The following FRAS1 variants were observed in gnomAD, a reference collection of about 807,000 sequenced individuals.
FRAS1 encodes Fraser extracellular matrix complex subunit 1, also known as extracellular matrix organizing protein FRAS1.
In FRAS1, 290 loss-of-function variants were observed where a neutral mutation model predicts 435.2. The observed-to-expected ratio is 0.67, with a 90% CI of 0.61 to 0.73. The LOEUF is 0.73. Ranked by LOEUF, FRAS1 falls within the 30% of genes least tolerant of loss-of-function variation. FRAS1 has a pLI of 0.00. For synonymous variants in FRAS1, 1,800 were observed against 1,851.0 expected (o/e 0.97, Z 0.71); for missense variants, 4,860 against 5,001.5 (o/e 0.97, Z 0.85).
chr4:78,161,864 A>ACTT, intron 2 of FRAS1, among the ~76,000 whole-genome samples: 1 of 151,662 alleles, frequency 6.6e-6, no homozygotes, highest in Non-Finnish European at 1.5e-5. Flanking sequence ...AAATGAGGAG[A>ACTT]CTTCTCTTCG....
rs773432572 is a variant in FRAS1, at chr4:78,511,485, A to G, written c.9992A>G (p.Lys3331Arg). The G allele has an allele frequency of 1.9e-5, 30 of 1,613,604 alleles. No individual in the cohort carries two copies. In the East Asian group the frequency reaches 6.7e-4, roughly 36 times the overall value. ...GCAACCTTGAAATACCTGGATGTCA[A>G]ACATAAGGAGCATCCGAACAGGTCA... ...FIATLKYLDV[K>R]HKEHPNRIHI... Residue 3331 changes from lysine to arginine, a missense_variant, in exon 64 of 74, where the codon AAA (lysine) becomes AGA (arginine). By Grantham distance (26) the Lys-to-Arg change is conservative (BLOSUM62 2). Coordinates refer to ENST00000512123, the MANE Select transcript of FRAS1 (RefSeq NM_025074.7).
intron 22 of FRAS1, among the ~76,000 whole-genome samples, chr4:78,367,699 A>G (rs1043493866): frequency 1.1e-4 from 17 of 151,930 alleles, no homozygotes; most frequent in African/African-American, 3.1e-4. Flanking sequence ...GTATTTGTAC[A>G]GTTGGTTTTA....
intron 35 of FRAS1, among the ~76,000 whole-genome samples, chr4:78,426,355 C>T (rs531625567): frequency 1.3e-5 from 2 of 152,250 alleles, no homozygotes; most frequent in East Asian, 3.9e-4. Flanking sequence ...ACCTATTATA[C>T]AGTCCCATGG....
At chr4:78,214,546 T>A (rs995558116) in intron 2 of FRAS1, among the ~76,000 whole-genome samples, 1 of 152,216 alleles carries the variant, frequency 6.6e-6, no homozygotes, top group South Asian at 2.1e-4. Flanking sequence ...CTTCATTGTA[T>A]CTGAACATCC....
At chr4:78,276,047 C>T (rs544898828) in intron 9 of FRAS1, among the ~76,000 whole-genome samples, 35 of 152,330 alleles carry the variant, frequency 2.3e-4, no homozygotes, top group African/African-American at 7.2e-4. Flanking sequence ...CTTCCCTTCT[C>T]GCTTCATTTC....
rs3974339 is a variant in FRAS1 at position 78,183,732 on chromosome 4, TTGTGTG to T, written c.109-53740_109-53735del. ...TTTTTTCTCCCTGTTTTCATTCTCT[TTGTGTG>T]TGTGTGTGTGTGTGTGTGTGTGTGT... On this transcript the variant is annotated intron_variant, in intron 2 of 73. Transcript: ENST00000512123. Among the ~76,000 whole-genome samples the T allele has an allele frequency of 4.8e-3, 658 of 137,036 alleles. 5 individuals are homozygous for T. Among genetic ancestry groups the T allele is most frequent in the African/African-American group, 0.011 (423 of 37,196 alleles). 89.9% of individuals were successfully genotyped at this position (137,036 alleles called of 152,430 possible). A position where few individuals can be genotyped will look rare whatever the true frequency, so the allele number is the denominator to read the frequency against.
intron 59 of FRAS1, among the ~76,000 whole-genome samples, chr4:78,495,818 T>C (rs947133195): frequency 6.6e-6 from 1 of 152,038 alleles, no homozygotes; most frequent in Non-Finnish European, 1.5e-5. Context: ...TTCACTAACA[T>C]TTTTTTTAAG....
chr4:78,282,501 G>A (rs971919648), intron 11 of FRAS1, among the ~76,000 whole-genome samples: 1 of 152,204 alleles, frequency 6.6e-6, no homozygotes, highest in African/African-American at 2.4e-5. Context: ...GGTGAAAGAG[G>A]TTGAGAAACA....
At chr4:78,407,136 C>T (rs1276920872) in intron 30 of FRAS1, among the ~76,000 whole-genome samples, 3 of 152,172 alleles carry the variant, frequency 2.0e-5, no homozygotes, top group African/African-American at 4.8e-5. Flanking sequence ...AAATAGAAAT[C>T]TGAAACACTT....
At chr4:78,467,691 C>G (rs537220881) in intron 50 of FRAS1, among the ~76,000 whole-genome samples, 51 of 152,290 alleles carry the variant, frequency 3.3e-4, no homozygotes, top group South Asian at 1.0e-3. Flanking sequence ...TTCCCACCAA[C>G]AGTGTATGAG....
chr4:78,302,855 A>C (rs1230164840), intron 14 of FRAS1, among the ~76,000 whole-genome samples: 2 of 152,102 alleles, frequency 1.3e-5, no homozygotes, highest in Non-Finnish European at 2.9e-5. Context: ...GAGGCTCTTT[A>C]GTTTAATTAG....
In FRAS1 at chr4:78,065,266, CTATATATGTAATAG is replaced by C. The variant is rs200012874; in HGVS notation, c.77-706_77-693del. ...ATACATGTGTATATATATGTATATA[CTATATATGTAATAG>C]TATATATGTAATGGTATATATAGTG... On this transcript the variant is annotated intron_variant, in intron 1 of 73. Coordinates refer to ENST00000512123, the MANE Select transcript of FRAS1 (RefSeq NM_025074.7). 5.0e-3 allele frequency among the ~76,000 whole-genome samples: 736 copies of C among 147,410 alleles called. 1 individual carries two copies. The highest frequency in any genetic ancestry group is 8.7e-3 in the Non-Finnish European group (585 of 67,160).
intron 2 of FRAS1, among the ~76,000 whole-genome samples, chr4:78,236,736 T>C (rs1446057484): frequency 6.6e-6 from 1 of 152,188 alleles, no homozygotes; most frequent in Admixed American, 6.5e-5. Context: ...AGGTGAGAAA[T>C]AGGGAAGGAA....
At chr4:78,275,797 G>A (rs535974979) in intron 9 of FRAS1, among the ~76,000 whole-genome samples, 4 of 152,080 alleles carry the variant, frequency 2.6e-5, no homozygotes, top group South Asian at 2.1e-4. Context: ...TGTGTCTTGG[G>A]GTTGCTCTTC....
chr4:78,177,087 G>GT (rs35373726), intron 2 of FRAS1, among the ~76,000 whole-genome samples: 2,471 of 133,304 alleles, frequency 0.019, 57 homozygotes, highest in African/African-American at 0.061. Flanking sequence ...AGTGATGTGA[G>GT]TTTTTTTTTT....
intron 26 of FRAS1, among the ~76,000 whole-genome samples, chr4:78,376,640 A>G (rs1239931461): frequency 6.6e-6 from 1 of 152,182 alleles, no homozygotes; most frequent in Non-Finnish European, 1.5e-5. Flanking sequence ...AGTCTGCTTC[A>G]TGAGGTTCAC....
rs949192965 is a variant in FRAS1 at position 78,174,633 on chromosome 4, A to G, written c.109-62877A>G. Among the ~76,000 whole-genome samples, 10 of 152,330 alleles carry G rather than the reference A, an allele frequency of 6.6e-5. No individual in the cohort carries two copies. In the East Asian group the frequency reaches 1.9e-3, roughly 29 times the overall value. On this transcript the variant is annotated intron_variant, in intron 2 of 73. Coordinates refer to ENST00000512123, the MANE Select transcript of FRAS1 (RefSeq NM_025074.7). ...GTCTAACAATTAAGATAAGCCAAGTATTTGGCTGACTAGCACTGGTCATCT... is the reference window on the plus strand; with the variant it reads ...GTCTAACAATTAAGATAAGCCAAGTGTTTGGCTGACTAGCACTGGTCATCT...
intron 20 of FRAS1, among the ~76,000 whole-genome samples, chr4:78,344,619 G>A (rs1560670380): frequency 6.7e-6 from 1 of 149,792 alleles, no homozygotes; most frequent in East Asian, 1.9e-4. Context: ...ATTAAAAAGT[G>A]CATTGGTAGG....
chr4:78,483,844 A>G (rs1720092090), intron 58 of FRAS1, among the ~76,000 whole-genome samples: 1 of 146,274 alleles, frequency 6.8e-6, no homozygotes, highest in South Asian at 2.2e-4. Flanking sequence ...CAACAAACAT[A>G]CACATACTTG....
Sources: allele counts gnomAD v4.1 joint callset (sites outside exome capture counted in the v4.1 genomes callset), GRCh38; gene constraint gnomAD v4.1.1; transcripts MANE v1.5; gene names NCBI Gene and HGNC (gene_info 2026-07-23, HGNC 2026-07-21).